The following DIAPH3 variants were observed in gnomAD, a reference collection of about 807,000 sequenced individuals.
The protein encoded by DIAPH3 is diaphanous related formin 3, also known as protein diaphanous homolog 3.
In DIAPH3, 117 loss-of-function variants were observed where a neutral mutation model predicts 144.3. The ratio of observed to expected loss-of-function variants is 0.81; its 90% confidence interval spans 0.70 to 0.95. The LOEUF is 0.95. Ranked by LOEUF, DIAPH3 falls within the 40% of genes least tolerant of loss-of-function variation. The probability of loss-of-function intolerance (pLI) is 0.00; values close to 1 mark genes in which losing one functional copy is unlikely to be tolerated. For missense variants in DIAPH3, 1,421 were observed against 1,412.7 expected, an observed-to-expected ratio of 1.01 and a Z score of -0.09; for synonymous variants, 519 against 488.9, an observed-to-expected ratio of 1.06 and a Z score of -0.81.
chr13:59,709,358 T>C (rs1593633488), intron 27 of DIAPH3, among the ~76,000 whole-genome samples: 2 of 152,116 alleles, frequency 1.3e-5, no homozygotes, highest in East Asian at 3.9e-4. Context: ...GACAAAGGGC[T>C]AATATCCAGA....
intron 12 of DIAPH3, among the ~76,000 whole-genome samples, chr13:59,989,178 C>A (rs2051633870): frequency 6.6e-6 from 1 of 151,438 alleles, no homozygotes. Flanking sequence ...AAATAGAGGT[C>A]CTTCTGAGGT....
chr13:59,934,449 A>G (rs2048167575), intron 17 of DIAPH3, among the ~76,000 whole-genome samples: 1 of 152,186 alleles, frequency 6.6e-6, no homozygotes, highest in Non-Finnish European at 1.5e-5. Context: ...TAATAAATTC[A>G]ACTCAACTAA....
At chr13:60,104,573 C>CACAA (rs2058357116) in intron 3 of DIAPH3, among the ~76,000 whole-genome samples, 1 of 137,840 alleles carries the variant, frequency 7.3e-6, no homozygotes, top group African/African-American at 2.9e-5. Context: ...AAGGCACACA[C>CACAA]ACACACACAC....
chr13:60,153,834 T>C (rs988103109), intron 1 of DIAPH3, among the ~76,000 whole-genome samples: 3 of 152,144 alleles, frequency 2.0e-5, no homozygotes, highest in Non-Finnish European at 4.4e-5. Flanking sequence ...TTCAAGTCCA[T>C]ATTGGAGTAT....
intron 27 of DIAPH3, among the ~76,000 whole-genome samples, chr13:59,686,725 C>T (rs1022437395): frequency 2.6e-5 from 4 of 152,010 alleles, no homozygotes; most frequent in Non-Finnish European, 5.9e-5. Context: ...TTTTGCCTGG[C>T]TTGTGTCAGA....
chr13:59,873,071 T>C (rs1034098220), intron 21 of DIAPH3, among the ~76,000 whole-genome samples: 10 of 152,230 alleles, frequency 6.6e-5, no homozygotes, highest in Non-Finnish European at 1.2e-4. Flanking sequence ...AGATTAAATG[T>C]GTTAATGAAT....
At chr13:59,683,340 T>C (rs918451087) in intron 27 of DIAPH3, among the ~76,000 whole-genome samples, 5 of 152,306 alleles carry the variant, frequency 3.3e-5, no homozygotes, top group African/African-American at 9.6e-5. Flanking sequence ...AGGGTCCATT[T>C]TGTCTTAAAT....
At chr13:59,693,786 T>C (rs2033657533) in intron 27 of DIAPH3, among the ~76,000 whole-genome samples, 1 of 152,198 alleles carries the variant, frequency 6.6e-6, no homozygotes, top group East Asian at 1.9e-4. Context: ...CTTTAATTTA[T>C]ATAGGGAATT....
At chr13:59,932,388 C>G (rs1013603787) in intron 17 of DIAPH3, among the ~76,000 whole-genome samples, 10 of 152,124 alleles carry the variant, frequency 6.6e-5, no homozygotes, top group African/African-American at 2.2e-4. Context: ...AATACTACTA[C>G]TAGTATCATT....
chr13:59,705,842 T>C (rs1317543479), intron 27 of DIAPH3, among the ~76,000 whole-genome samples: 3 of 152,146 alleles, frequency 2.0e-5, no homozygotes, highest in African/African-American at 7.2e-5. Flanking sequence ...TATTTCATGG[T>C]TTAAATGCAC....
intron 27 of DIAPH3, among the ~76,000 whole-genome samples, chr13:59,771,690 C>T (rs1195713700): frequency 6.6e-6 from 1 of 152,046 alleles, no homozygotes; most frequent in African/African-American, 2.4e-5. Flanking sequence ...ACTCTGAAGT[C>T]GGATAGGCAT....
Position 59,911,735 on chromosome 13 carries a change from CA to C in DIAPH3, c.2366del (p.Val789GlyfsTer2). ...NLCEPEQFVV[V>X]MSNVKRLRPR... The stretch of plus-strand genomic sequence containing the variant: ...ATCCTCTCTGAGACTCGGTACTTAC[CA>C]CAACCACAAACTGCTCAGGTTCACA... On this transcript the variant is annotated frameshift_variant and splice_region_variant, in exon 20 of 28. Transcript: ENST00000400324. LOFTEE classifies it high-confidence loss of function. 1 of 1,612,500 alleles carries C rather than the reference CA, an allele frequency of 6.2e-7. No homozygotes were observed. The highest frequency in any genetic ancestry group is 8.5e-7 in the Non-Finnish European group (1 of 1,178,728).
Position 60,162,809 on chromosome 13 carries a change from T to TCTCTCTCTCACA in DIAPH3, c.180+777_180+778insTGTGAGAGAGAG, listed in dbSNP as rs1555388530. On this transcript the variant is annotated intron_variant, in intron 1 of 27. Transcript: ENST00000400324. The stretch of plus-strand genomic sequence containing the variant: ...CTCTCTCTCTCTCTCTCTCTCTCTC[T>TCTCTCTCTCACA]CACACACACACACACACACACACAC... Among the ~76,000 whole-genome samples the TCTCTCTCTCACA allele has an allele frequency of 2.5e-5, 3 of 122,424 alleles. No homozygotes were observed. The Admixed American group carries it at 2.5e-4, about 10-fold the overall frequency. The allele number at this position is 122,424 out of a possible 152,430, so 80.3% of individuals were successfully genotyped here.
rs191909595 is a variant in DIAPH3 at position 59,966,615 on chromosome 13, A to G, written c.2074+3329T>C. On this transcript the variant is annotated intron_variant, in intron 17 of 27. Coordinates refer to ENST00000400324, the MANE Select transcript of DIAPH3 (RefSeq NM_001042517.2). ...CTGAAAACCTAAAGTAGTGTCTACC[A>G]TAAGAAAAAAGCCCCACTTACTTGA... is the stretch of plus-strand genomic sequence containing the variant. 3.3e-3 allele frequency among the ~76,000 whole-genome samples: 501 copies of G among 152,316 alleles called. 2 individuals are homozygous for G. The highest frequency in any genetic ancestry group is 0.011 in the African/African-American group (461 of 41,570).
chr13:59,817,698 C>T (rs1157311569), intron 24 of DIAPH3, among the ~76,000 whole-genome samples: 1 of 151,724 alleles, frequency 6.6e-6, no homozygotes, highest in African/African-American at 2.4e-5. Context: ...CTTTATTTTT[C>T]CTGATTTTTT....
intron 4 of DIAPH3, among the ~76,000 whole-genome samples, chr13:60,046,503 G>A (rs184330235): frequency 1.7e-3 from 265 of 152,272 alleles, no homozygotes; most frequent in African/African-American, 5.9e-3. Context: ...GTAGAAATAG[G>A]AACACTTTTA....
At position 59,872,391 on chromosome 13, in the gene DIAPH3, G is replaced by A. The variant is rs1173746767; in HGVS notation, c.2607+6838C>T. The stretch of plus-strand genomic sequence containing the variant: ...CATTAAAGGACTTAACAAAACACAC[G>A]CCTGGTATATCTCAGGTGATATTTT... On this transcript the variant is annotated intron_variant, in intron 21 of 27. Transcript: ENST00000400324. Among the ~76,000 whole-genome samples the A allele has an allele frequency of 3.3e-5, 5 of 152,136 alleles. No individual in the cohort carries two copies. In the East Asian group the frequency reaches 7.7e-4, roughly 24 times the overall value.
intron 25 of DIAPH3, among the ~76,000 whole-genome samples, chr13:59,793,725 A>T (rs2039437948): frequency 6.6e-6 from 1 of 151,870 alleles, no homozygotes; most frequent in Non-Finnish European, 1.5e-5. Context: ...GAAAACTCCC[A>T]AGTTTTTATC....
intron 20 of DIAPH3, among the ~76,000 whole-genome samples, chr13:59,905,555 G>A (rs933885193): frequency 6.6e-6 from 1 of 152,000 alleles, no homozygotes; most frequent in Non-Finnish European, 1.5e-5. Context: ...CCCTGTTATA[G>A]GCAAAATAAC....
Sources: allele counts gnomAD v4.1 joint callset (sites outside exome capture counted in the v4.1 genomes callset), GRCh38; gene constraint gnomAD v4.1.1; transcripts MANE v1.5; gene names NCBI Gene and HGNC (gene_info 2026-07-23, HGNC 2026-07-21).